NCALD: variants seen among roughly 807,000 people sequenced by gnomAD.
The protein encoded by NCALD is neurocalcin-delta.
A neutral mutation model predicts 18.6 loss-of-function variants in NCALD; 10 were observed. That is an observed-to-expected ratio of 0.54 (90% CI 0.33 to 0.91). The LOEUF is 0.91. Among genes scored for constraint, NCALD ranks in the 40% least tolerant of loss-of-function variants. NCALD has a pLI of 0.03. For missense variants in NCALD, 184 were observed against 247.6 expected (o/e 0.74, Z 1.72); for synonymous variants, 88 against 87.4 (o/e 1.01, Z -0.04).
chr8:101,815,721 G>A (rs1158842752), intron 4 of NCALD, among the ~76,000 whole-genome samples: 2 of 152,114 alleles, frequency 1.3e-5, no homozygotes, highest in Non-Finnish European at 2.9e-5. Flanking sequence ...CAGCCACTTT[G>A]GAAGACAGTT....
chr8:101,920,294 A>T (rs1047803102), intron 2 of NCALD, among the ~76,000 whole-genome samples: 1 of 152,208 alleles, frequency 6.6e-6, no homozygotes, highest in African/African-American at 2.4e-5. Flanking sequence ...AGATTTCTCA[A>T]AGAAATATTC....
Position 102,049,738 on chromosome 8 carries a change from G to A in NCALD, c.-209-29449C>T, listed in dbSNP as rs374025335. Among the ~76,000 whole-genome samples, 21 of 152,310 alleles carry A rather than the reference G, an allele frequency of 1.4e-4. 1 individual carries two copies. Among genetic ancestry groups the A allele is most frequent in the African/African-American group, 3.8e-4 (16 of 41,566 alleles). On this transcript the variant is annotated intron_variant, in intron 1 of 6. Coordinates refer to the NCALD transcript ENST00000311028. ...CCGTGTACTGAATTGTAGATGTGCA[G>A]TGGTATCTCATTGCTGTTTTAATCT...
chr8:102,044,095 C>A (rs992745780), intron 1 of NCALD, among the ~76,000 whole-genome samples: 1 of 151,884 alleles, frequency 6.6e-6, no homozygotes, highest in Non-Finnish European at 1.5e-5. Context: ...CAGTGATGAC[C>A]TTCATTTTAA....
chr8:101,843,582 G>GTTTTTTTTTTTTTTT (rs369393213), intron 4 of NCALD, among the ~76,000 whole-genome samples: 23 of 125,138 alleles, frequency 1.8e-4, no homozygotes, highest in African/African-American at 3.6e-4. Flanking sequence ...TTTAAAAATT[G>GTTTTTTTTTTTTTTT]TTTTTTTTTT....
intron 2 of NCALD, among the ~76,000 whole-genome samples, chr8:102,018,046 C>T (rs775742318): frequency 1.1e-4 from 16 of 152,080 alleles, no homozygotes; most frequent in South Asian, 2.1e-4. Context: ...TAATGTTATA[C>T]GCTCAAATTG....
At chr8:101,925,620 T>C (rs1305335370) in intron 2 of NCALD, among the ~76,000 whole-genome samples, 1 of 152,198 alleles carries the variant, frequency 6.6e-6, no homozygotes, top group Non-Finnish European at 1.5e-5. Context: ...AATACATATA[T>C]AACATCAAGT....
At chr8:102,025,515 T>C (rs1724368735) in intron 1 of NCALD, among the ~76,000 whole-genome samples, 1 of 152,154 alleles carries the variant, frequency 6.6e-6, no homozygotes, top group Non-Finnish European at 1.5e-5. Context: ...AATCAATGAG[T>C]GGTAGCTCCA....
chr8:101,784,489 A>G (rs1563766337), intron 1 of NCALD, among the ~76,000 whole-genome samples: 1 of 152,178 alleles, frequency 6.6e-6, no homozygotes, highest in Non-Finnish European at 1.5e-5. Context: ...CTCCTGATGG[A>G]GAGGAGCAAG....
intron 4 of NCALD, among the ~76,000 whole-genome samples, chr8:101,843,585 T>TG (rs1554644311): frequency 6.7e-6 from 1 of 148,664 alleles, no homozygotes; most frequent in African/African-American, 2.5e-5. Flanking sequence ...AAAAATTGTT[T>TG]TTTTTTTTTT....
chr8:101,904,369 G>A (rs753944682), intron 3 of NCALD, among the ~76,000 whole-genome samples: 1 of 151,718 alleles, frequency 6.6e-6, no homozygotes, highest in Non-Finnish European at 1.5e-5. Context: ...AGAAATAAAA[G>A]GTCTTCCTTC....
At chr8:102,107,435 C>T (rs555896825) in intron 1 of NCALD, among the ~76,000 whole-genome samples, 2 of 152,032 alleles carry the variant, frequency 1.3e-5, no homozygotes, top group Admixed American at 6.5e-5. Context: ...TTCCTCAAGG[C>T]CTTTCCCCCA....
intron 2 of NCALD, chr8:101,693,380 C>T (rs1814838375): frequency 7.9e-6 from 1 of 125,896 alleles, no homozygotes; most frequent in Non-Finnish European, 1.6e-5. Flanking sequence ...ATTATGTTGC[C>T]CAAGCTGGTC....
chr8:101,790,223 C>A (rs1044364070), intron 1 of NCALD, among the ~76,000 whole-genome samples: 13 of 152,168 alleles, frequency 8.5e-5, no homozygotes, highest in African/African-American at 3.1e-4. Context: ...AAAGCAATTG[C>A]ATGCACACAT....
chr8:102,121,410 C>T (rs1825940620), intron 1 of NCALD, among the ~76,000 whole-genome samples: 1 of 152,070 alleles, frequency 6.6e-6, no homozygotes. Flanking sequence ...GTGCCTGAGT[C>T]AGAAAAGTAC....
At chr8:102,001,404 T>C (rs1303489269) in intron 2 of NCALD, among the ~76,000 whole-genome samples, 1 of 152,176 alleles carries the variant, frequency 6.6e-6, no homozygotes, top group Non-Finnish European at 1.5e-5. Context: ...GTCTGATTGG[T>C]GTACCTGAAA....
chr8:101,828,707 T>G (rs1280020594), intron 4 of NCALD, among the ~76,000 whole-genome samples: 2 of 152,052 alleles, frequency 1.3e-5, no homozygotes, highest in African/African-American at 2.4e-5. Flanking sequence ...GCTCAAGCAA[T>G]CCTCCAGCCT....
At chr8:101,712,806 T>G (rs996727789) in intron 2 of NCALD, among the ~76,000 whole-genome samples, 1 of 152,158 alleles carries the variant, frequency 6.6e-6, no homozygotes, top group Admixed American at 6.5e-5. Flanking sequence ...ACAAAGAGAC[T>G]TATACTCCCA....
intron 1 of NCALD, among the ~76,000 whole-genome samples, chr8:101,728,161 A>G (rs999882021): frequency 1.3e-5 from 2 of 152,254 alleles, no homozygotes; most frequent in African/African-American, 2.4e-5. Context: ...AAGGAATGAC[A>G]ACTAAAAATG....
At chr8:102,046,442 A>G (rs1215452706) in intron 1 of NCALD, among the ~76,000 whole-genome samples, 2 of 152,210 alleles carry the variant, frequency 1.3e-5, no homozygotes, top group Non-Finnish European at 2.9e-5. Context: ...ATAAACATCT[A>G]ATCTTCTAGT....
Sources: allele counts gnomAD v4.1 joint callset (sites outside exome capture counted in the v4.1 genomes callset), GRCh38; gene constraint gnomAD v4.1.1; transcripts MANE v1.5; gene names NCBI Gene and HGNC (gene_info 2026-07-23, HGNC 2026-07-21).